PLPPR5: variants seen among roughly 807,000 people sequenced by gnomAD.
PLPPR5 encodes the protein phospholipid phosphatase-related protein type 5.
A neutral mutation model predicts 33.9 loss-of-function variants in PLPPR5; 16 were observed. That is an observed-to-expected ratio of 0.47 (90% CI 0.32 to 0.72). The LOEUF is 0.72. Ranked by LOEUF, PLPPR5 falls within the 30% of genes least tolerant of loss-of-function variation. The probability of loss-of-function intolerance (pLI) is 0.03; values close to 1 mark genes in which losing one functional copy is unlikely to be tolerated. For synonymous variants in PLPPR5, 163 were observed against 150.3 expected (o/e 1.08, Z -0.62); for missense variants, 301 against 406.7 (o/e 0.74, Z 2.23).
At chr1:98,991,349 C>G (rs945181798) in intron 1 of PLPPR5, 14 of 151,974 alleles carry the variant, frequency 9.2e-5, no homozygotes, top group African/African-American at 3.4e-4. Flanking sequence ...ACACCCGCCC[C>G]AAGTCTAATG....
intron 5 of PLPPR5, among the ~76,000 whole-genome samples, chr1:98,906,332 G>C (rs1249305993): frequency 1.3e-5 from 2 of 151,570 alleles, no homozygotes; most frequent in East Asian, 1.9e-4. Context: ...AAAAGGCTCA[G>C]TGGCTTCCAA....
intron 5 of PLPPR5, among the ~76,000 whole-genome samples, chr1:98,899,329 G>A (rs931670349): frequency 6.6e-6 from 1 of 152,212 alleles, no homozygotes; most frequent in African/African-American, 2.4e-5. Flanking sequence ...ATGTCTTGGT[G>A]TGAAACCCAG....
At chr1:98,914,973 T>G in intron 4 of PLPPR5, 53 bp from the exon 5 acceptor site, 2 of 1,565,042 alleles carry the variant, frequency 1.3e-6, no homozygotes, top group Non-Finnish European at 8.6e-7. Context: ...CACTGTGACT[T>G]TCAGCCTTTT....
rs149580943 is a variant in PLPPR5, at chr1:98,951,601, T to G, written c.621+1469A>C. 2.5e-3 allele frequency among the ~76,000 whole-genome samples: 387 copies of G among 152,314 alleles called. 3 individuals carry two copies. Among genetic ancestry groups the G allele is most frequent in the African/African-American group, 8.8e-3 (364 of 41,590 alleles). On this transcript the variant is annotated intron_variant, in intron 3 of 5. Transcript: ENST00000263177. The stretch of plus-strand genomic sequence containing the variant: ...AACTTGGCTTAAAAACTTTAAAAAA[T>G]GTTAAAATGCATACTCTATGGTTCT...
intron 1 of PLPPR5, among the ~76,000 whole-genome samples, chr1:98,977,845 T>C (rs568159671): frequency 2.0e-5 from 3 of 151,868 alleles, no homozygotes; most frequent in African/African-American, 7.2e-5. Flanking sequence ...CTATAGTAAA[T>C]GGCGCTTTAG....
At chr1:98,965,397 C>T (rs1048587978) in intron 1 of PLPPR5, among the ~76,000 whole-genome samples, 2 of 152,186 alleles carry the variant, frequency 1.3e-5, no homozygotes, top group Non-Finnish European at 2.9e-5. Context: ...GCCTAACAAG[C>T]TGGATCTACA....
At chr1:98,949,872 A>T (rs1337653245) in intron 3 of PLPPR5, among the ~76,000 whole-genome samples, 4 of 152,178 alleles carry the variant, frequency 2.6e-5, no homozygotes, top group African/African-American at 9.7e-5. Flanking sequence ...ATCTATTGTT[A>T]AAAAGACAGA....
In PLPPR5 at chr1:98,900,107, G is replaced by A. The variant is rs79303327; in HGVS notation, c.934-7003C>T. On this transcript the variant is annotated intron_variant, in intron 5 of 5. Coordinates refer to ENST00000263177, the MANE Select transcript of PLPPR5 (RefSeq NM_001037317.2). The stretch of plus-strand genomic sequence containing the variant: ...CACACAACAAGGTTTCTTTGGCCAT[G>A]AGGAAATTTCCTGACTACTAATTTA... Among the ~76,000 whole-genome samples the A allele has an allele frequency of 3.5e-3, 537 of 152,188 alleles. 2 individuals carry two copies. The highest frequency in any genetic ancestry group is 6.1e-3 in the Non-Finnish European group (416 of 68,004).
At chr1:98,967,643 C>T (rs1557687059) in intron 1 of PLPPR5, among the ~76,000 whole-genome samples, 1 of 152,026 alleles carries the variant, frequency 6.6e-6, no homozygotes, top group South Asian at 2.1e-4. Context: ...AACTTCCCTT[C>T]ACCTCAATGT....
chr1:98,997,645 G>A (rs1315812422), intron 1 of PLPPR5, among the ~76,000 whole-genome samples: 1 of 151,926 alleles, frequency 6.6e-6, no homozygotes, highest in Non-Finnish European at 1.5e-5. Flanking sequence ...TCTTTCTATA[G>A]GAAAATCAGG....
At chr1:98,968,681 G>A (rs1309301917) in intron 1 of PLPPR5, among the ~76,000 whole-genome samples, 2 of 151,632 alleles carry the variant, frequency 1.3e-5, no homozygotes, top group Non-Finnish European at 2.9e-5. Flanking sequence ...AATACTTCAT[G>A]TACCCCATAA....
At chr1:98,895,770 G>T (rs368179219) in intron 5 of PLPPR5, among the ~76,000 whole-genome samples, 23 of 151,904 alleles carry the variant, frequency 1.5e-4, no homozygotes, top group African/African-American at 5.1e-4. Flanking sequence ...TTTTCTATTT[G>T]ACTGGGATTA....
chr1:98,973,841 G>A (rs1418607461), intron 1 of PLPPR5, among the ~76,000 whole-genome samples: 2 of 151,344 alleles, frequency 1.3e-5, no homozygotes, highest in Non-Finnish European at 1.5e-5. Context: ...TAAGATCCAA[G>A]TGAGGTGCCG....
intron 1 of PLPPR5, among the ~76,000 whole-genome samples, chr1:98,958,363 C>T (rs1651096614): frequency 6.6e-6 from 1 of 151,804 alleles, no homozygotes; most frequent in African/African-American, 2.4e-5. Context: ...TACCTCTTCA[C>T]TTTCATCCTT....
intron 5 of PLPPR5, among the ~76,000 whole-genome samples, chr1:98,897,147 T>C (rs1266164559): frequency 6.6e-6 from 1 of 152,232 alleles, no homozygotes. Context: ...CTAGTTCCTA[T>C]ATTGCTTTTG....
intron 1 of PLPPR5, among the ~76,000 whole-genome samples, chr1:98,984,254 C>A (rs1255552838): frequency 6.6e-6 from 1 of 151,948 alleles, no homozygotes; most frequent in African/African-American, 2.4e-5. Flanking sequence ...AGATACCCTG[C>A]CAAAGCATTA....
rs376165253 is a variant in PLPPR5, at chr1:98,932,788, C to A, written c.622-10730G>T. Among the ~76,000 whole-genome samples the A allele has an allele frequency of 1.8e-4, 28 of 152,274 alleles. No individual in the cohort carries two copies. The Middle Eastern group carries it at 0.01, about 56-fold the overall frequency. Reference sequence around the variant, plus strand: ...AAAGGCCCAGATAGCATCAGAGGATCTGAGTTCCAGTCTTGATCCTTCAGT... The same window carrying A: ...AAAGGCCCAGATAGCATCAGAGGATATGAGTTCCAGTCTTGATCCTTCAGT... On this transcript the variant is annotated intron_variant, in intron 3 of 5. Transcript: ENST00000263177.
chr1:98,903,673 G>C (rs920204957), intron 5 of PLPPR5, among the ~76,000 whole-genome samples: 1 of 152,136 alleles, frequency 6.6e-6, no homozygotes, highest in South Asian at 2.1e-4. Flanking sequence ...TGATTGTTGC[G>C]GGAGGGAACT....
chr1:98,985,901 C>A (rs1209305464), intron 1 of PLPPR5, among the ~76,000 whole-genome samples: 1 of 151,980 alleles, frequency 6.6e-6, no homozygotes, highest in African/African-American at 2.4e-5. Context: ...CAGAAAGTAT[C>A]CCTGTTGTTA....
Sources: gnomAD v4.1 joint callset for allele counts (sites outside exome capture counted in the v4.1 genomes callset) on GRCh38, gnomAD v4.1.1 for gene constraint, MANE v1.5 for transcripts, NCBI Gene and HGNC (gene_info 2026-07-23, HGNC 2026-07-21) for gene names.